Variants in SCN8A observed in about 807,000 individuals in gnomAD.
SCN8A encodes sodium channel protein type 8 subunit alpha.
In SCN8A, 30 loss-of-function variants were observed where a neutral mutation model predicts 184.1. The observed-to-expected ratio is 0.16, with a 90% CI of 0.12 to 0.22. The LOEUF (loss-of-function observed/expected upper bound fraction) is 0.22. Ranked by LOEUF, SCN8A falls within the 10% of genes least tolerant of loss-of-function variation. SCN8A has a pLI of 1.00. For synonymous variants in SCN8A, 852 were observed against 907.0 expected (o/e 0.94, Z 1.09); for missense variants, 1,057 against 2,498.9 (o/e 0.42, Z 12.30).
intron 14 of SCN8A, among the ~76,000 whole-genome samples, chr12:51,752,908 G>C (rs1942618066): frequency 6.6e-6 from 1 of 152,126 alleles, no homozygotes; most frequent in South Asian, 2.1e-4. Flanking sequence ...TGGTGGTTCT[G>C]TTTTCCCTGT....
chr12:51,789,148 CAGAA>C (rs1179542600), intron 23 of SCN8A, 129 bp from the exon 24 acceptor site: 1 of 904,994 alleles, frequency 1.1e-6, no homozygotes, highest in Non-Finnish European at 1.7e-6. Flanking sequence ...AGGAGGCAGG[CAGAA>C]AGAATCTAGG....
chr12:51,613,791 C>A (rs1939774010), intron 1 of SCN8A, among the ~76,000 whole-genome samples: 1 of 151,968 alleles, frequency 6.6e-6, no homozygotes, highest in South Asian at 2.1e-4. Flanking sequence ...ATTTTTGTTT[C>A]CCCTGAGACT....
At chr12:51,629,612 A>G (rs1940156382) in intron 1 of SCN8A, among the ~76,000 whole-genome samples, 1 of 149,368 alleles carries the variant, frequency 6.7e-6, no homozygotes, top group Non-Finnish European at 1.5e-5. Context: ...AAAAGTGAAA[A>G]TGGTTTAGAG....
chr12:51,678,304 A>G (rs947788193), intron 2 of SCN8A, among the ~76,000 whole-genome samples: 1 of 152,222 alleles, frequency 6.6e-6, no homozygotes, highest in Non-Finnish European at 1.5e-5. Flanking sequence ...CCCTGCTGAC[A>G]TAAGTATGGT....
intron 1 of SCN8A, among the ~76,000 whole-genome samples, chr12:51,599,080 A>G (rs369881728): frequency 9.2e-5 from 14 of 152,278 alleles, no homozygotes; most frequent in African/African-American, 3.4e-4. Flanking sequence ...GCAGGGGGAG[A>G]CATAACCTTG....
intron 13 of SCN8A, among the ~76,000 whole-genome samples, chr12:51,747,898 A>T (rs1463237311): frequency 6.6e-6 from 1 of 151,358 alleles, no homozygotes; most frequent in African/African-American, 2.4e-5. Flanking sequence ...AGCTCAGGAG[A>T]CAGAGACAGA....
At chr12:51,642,742 T>C (rs543438065) in intron 1 of SCN8A, among the ~76,000 whole-genome samples, 1 of 151,430 alleles carries the variant, frequency 6.6e-6, no homozygotes, top group Non-Finnish European at 1.5e-5. Flanking sequence ...CGTTTTTGCC[T>C]CTTCTGCTTG....
intron 2 of SCN8A, among the ~76,000 whole-genome samples, chr12:51,681,099 G>A (rs898347160): frequency 2.6e-5 from 4 of 152,146 alleles, no homozygotes; most frequent in Non-Finnish European, 4.4e-5. Context: ...GGCCTGGCCC[G>A]GTGGTTTTTA....
intron 12 of SCN8A, among the ~76,000 whole-genome samples, chr12:51,739,743 G>A (rs1177147607): frequency 6.6e-6 from 1 of 152,022 alleles, no homozygotes; most frequent in East Asian, 1.9e-4. Context: ...GAGCCCCCAC[G>A]AATGGACGCC....
rs1373474307 is a variant in SCN8A, at chr12:51,811,311, AT to A, written c.*3884del. ...ACCCCCCCCAGATCCCCACTCACCC[AT>A]TGCATGTGGCATTCCCCACTACTGG... On this transcript the variant is annotated 3_prime_UTR_variant, in exon 27 of 27. Coordinates refer to ENST00000627620, the MANE Select transcript of SCN8A (RefSeq NM_001330260.2). 2 of 151,988 alleles carry A rather than the reference AT, an allele frequency of 1.3e-5. No homozygotes were observed. Among genetic ancestry groups the A allele is most frequent in the African/African-American group, 4.8e-5 (2 of 41,330 alleles). 9.4% of individuals were successfully genotyped at this position (151,988 alleles called of 1,614,324 possible).
chr12:51,652,950 T>C (rs1940747776), intron 1 of SCN8A, among the ~76,000 whole-genome samples: 1 of 152,208 alleles, frequency 6.6e-6, no homozygotes, highest in Non-Finnish European at 1.5e-5. Flanking sequence ...TTGGGGGGCA[T>C]AGTAAATTTT....
intron 13 of SCN8A, among the ~76,000 whole-genome samples, chr12:51,749,649 G>A (rs547445517): frequency 1.3e-5 from 2 of 152,126 alleles, no homozygotes; most frequent in South Asian, 2.1e-4. Context: ...GCTTACAGGG[G>A]TCCTTAAATC....
At chr12:51,652,212 C>G (rs1940730722) in intron 1 of SCN8A, among the ~76,000 whole-genome samples, 1 of 152,110 alleles carries the variant, frequency 6.6e-6, no homozygotes, top group Admixed American at 6.5e-5. Context: ...CATCCCTTTG[C>G]TCATGATTTG....
At chr12:51,705,906 A>G (rs1243372988) in intron 10 of SCN8A, among the ~76,000 whole-genome samples, 2 of 152,194 alleles carry the variant, frequency 1.3e-5, no homozygotes, top group East Asian at 3.8e-4. Context: ...GGCAGTTTAT[A>G]TAGTGTTTCA....
At chr12:51,661,555 C>G (rs1940925568) in intron 1 of SCN8A, among the ~76,000 whole-genome samples, 1 of 152,040 alleles carries the variant, frequency 6.6e-6, no homozygotes, top group African/African-American at 2.4e-5. Flanking sequence ...TGAGGAGCCT[C>G]AAGGTTTAGT....
chr12:51,623,899 A>G (rs975942386), intron 1 of SCN8A, among the ~76,000 whole-genome samples: 1 of 152,144 alleles, frequency 6.6e-6, no homozygotes, highest in Non-Finnish European at 1.5e-5. Flanking sequence ...TTTGCTGAGA[A>G]TGATGGTTTC....
intron 22 of SCN8A, among the ~76,000 whole-genome samples, chr12:51,788,103 T>G (rs920492935): frequency 1.3e-5 from 2 of 152,168 alleles, no homozygotes; most frequent in Non-Finnish European, 2.9e-5. Flanking sequence ...ATTATCCATA[T>G]TTGTTTCCAA....
intron 15 of SCN8A, among the ~76,000 whole-genome samples, chr12:51,765,414 G>A (rs1451611688): frequency 6.6e-6 from 1 of 152,112 alleles, no homozygotes; most frequent in East Asian, 1.9e-4. Flanking sequence ...CAGATCTAAA[G>A]TAAGGGACTA....
intron 14 of SCN8A, among the ~76,000 whole-genome samples, chr12:51,761,454 T>TTTATTTATTTATTTATTA (rs1212613510): frequency 1.2e-3 from 175 of 149,940 alleles, no homozygotes; most frequent in African/African-American, 4.0e-3. Flanking sequence ...TATTTATTTA[T>TTTATTTATTTATTTATTA]TTATTTATTT....
Sources: allele counts gnomAD v4.1 joint callset (sites outside exome capture counted in the v4.1 genomes callset), GRCh38; gene constraint gnomAD v4.1.1; transcripts MANE v1.5; gene names NCBI Gene and HGNC (gene_info 2026-07-23, HGNC 2026-07-21).